The following OR2J3 variants were observed in gnomAD, a reference collection of about 807,000 sequenced individuals.
The protein encoded by OR2J3 is olfactory receptor family 2 subfamily J member 3.
Under a neutral mutation model 18.5 loss-of-function variants are expected in OR2J3, and 13 were observed. The ratio of observed to expected loss-of-function variants is 0.70; its 90% confidence interval spans 0.46 to 1.12. The LOEUF (loss-of-function observed/expected upper bound fraction) is 1.12, where lower values mean the gene tolerates loss of function less well. Ranked by LOEUF, OR2J3 falls within the 50% of genes most tolerant of loss-of-function variation. The pLI is 0.00. For missense variants in OR2J3, 321 were observed against 371.6 expected, an observed-to-expected ratio of 0.86 and a Z score of 1.12; for synonymous variants, 142 against 140.6, an observed-to-expected ratio of 1.01 and a Z score of -0.07.
At chr6:29,110,852 TATTTATCTATCTATCTATC>T (rs1562545097) in intron 3 of OR2J3, among the ~76,000 whole-genome samples, 35 of 117,380 alleles carry the variant, frequency 3.0e-4, no homozygotes, top group Non-Finnish European at 6.5e-4. Flanking sequence ...ACTATCTATC[TATTTATCTATCTATCTATC>T]TATCTATCTA....
At position 29,112,497 on chromosome 6, in the gene OR2J3, A is replaced by G; in HGVS notation, c.607A>G (p.Met203Val). The G allele has an allele frequency of 6.2e-7, 1 of 1,614,080 alleles. No individual in the cohort carries two copies. The highest frequency in any genetic ancestry group is 1.1e-5 in the South Asian group (1 of 91,078). ...TACCCATGTCAATGAGCTGACCCTCATGATCACAAGCTCCATATTTGTTCT... is the reference window on the plus strand; with the variant it reads ...TACCCATGTCAATGAGCTGACCCTCGTGATCACAAGCTCCATATTTGTTCT... ...VDTHVNELTL[M>V]ITSSIFVLIP... The change falls in exon 4 of 4, where the codon ATG (methionine) becomes GTG (valine). Residue 203 changes from methionine (M) to valine (V), a missense_variant. By Grantham distance (21) the Met-to-Val change is conservative (BLOSUM62 1). Transcript: ENST00000641151.
chr6:29,110,118 T>C (rs1339184058), intron 3 of OR2J3, among the ~76,000 whole-genome samples: 2 of 152,208 alleles, frequency 1.3e-5, no homozygotes, highest in Non-Finnish European at 2.9e-5. Flanking sequence ...AATTTTTATC[T>C]TCCTTTCCTT....
chr6:29,111,637 G>T, intron 3 of OR2J3: 1 of 418,592 alleles, frequency 2.4e-6, no homozygotes, highest in Non-Finnish European at 4.2e-6. Flanking sequence ...TGTTAATTAG[G>T]GATCTACTGT....
chr6:29,112,388 C>G lies in OR2J3; in HGVS notation c.498C>G (p.Thr166=). 1 of 1,614,114 alleles carries G rather than the reference C, an allele frequency of 6.2e-7. No individual in the cohort carries two copies. ...FTNSALHSSF[T]FWVPLCGHRQ... is the part of the protein sequence containing the mutation. ...ACTCAGCACTTCATTCCTCCTTCAC[C>G]TTCTGGGTACCTCTGTGTGGACACC... Residue 166 remains threonine (T), a synonymous_variant, in exon 4 of 4, where the codon ACC becomes ACG. Coordinates refer to ENST00000641151, the MANE Select transcript of OR2J3 (RefSeq NM_001005216.4).
At chr6:29,111,572 C>T in intron 3 of OR2J3, 2 of 269,860 alleles carry the variant, frequency 7.4e-6, no homozygotes, top group Non-Finnish European at 1.4e-5. Context: ...AATTTTTATC[C>T]ACTAGTTTTT....
chr6:29,112,590 A>G lies in OR2J3; in HGVS notation c.700A>G (p.Thr234Ala), dbSNP rs766006177. The change falls in exon 4 of 4, where the codon ACC (threonine) becomes GCC (alanine). Residue 234 changes from threonine to alanine, a missense_variant. Coordinates refer to ENST00000641151, the MANE Select transcript of OR2J3 (RefSeq NM_001005216.4). ...CCGAGCTATACTGAGGATGCAGTCAACCACTGGGCTTCAGAAAGTGTTTGG... is the reference window on the plus strand; with the variant it reads ...CCGAGCTATACTGAGGATGCAGTCAGCCACTGGGCTTCAGAAAGTGTTTGG... ...IVRAILRMQSTTGLQKVFGTC... is the reference protein window; with the variant it reads ...IVRAILRMQSATGLQKVFGTC... The G allele has an allele frequency of 1.3e-5, 21 of 1,613,958 alleles. No homozygotes were observed. The South Asian group carries it at 1.6e-4, about 13-fold the overall frequency.
intron 3 of OR2J3, among the ~76,000 whole-genome samples, chr6:29,111,131 GA>G (rs1762112084): frequency 6.6e-6 from 1 of 151,936 alleles, no homozygotes; most frequent in Non-Finnish European, 1.5e-5. Context: ...GCTAGTTTTT[GA>G]AAAAATCCAG....
intron 3 of OR2J3, among the ~76,000 whole-genome samples, chr6:29,110,004 T>G (rs1380907897): frequency 6.6e-6 from 1 of 152,192 alleles, no homozygotes; most frequent in African/African-American, 2.4e-5. Context: ...GTTCAGCTTC[T>G]TGAACGCTGT....
intron 1 of OR2J3, 66 bp downstream of exon 1, chr6:29,108,361 A>AAGAG (rs1032923218): frequency 2.6e-5 from 4 of 152,190 alleles, no homozygotes; most frequent in Non-Finnish European, 5.9e-5. Context: ...GGATGGGGAA[A>AAGAG]AGAGATTATT....
chr6:29,112,625 A>C lies in OR2J3; in HGVS notation c.735A>C (p.Gly245=). Residue 245 remains glycine (G), a synonymous_variant, in exon 4 of 4, where the codon GGA becomes GGC. Transcript: ENST00000641151. Reference sequence around the variant, plus strand: ...TTCAGAAAGTGTTTGGAACATGTGGAGCTCATCTTATGGCTGTATCTCTCT... The same window carrying C: ...TTCAGAAAGTGTTTGGAACATGTGGCGCTCATCTTATGGCTGTATCTCTCT... ...TGLQKVFGTC[G]AHLMAVSLFF... The C allele has an allele frequency of 6.2e-7, 1 of 1,614,060 alleles. No individual in the cohort carries two copies. Among genetic ancestry groups the C allele is most frequent in the Non-Finnish European group, 8.5e-7 (1 of 1,180,008 alleles).
rs1390344830 is a variant in OR2J3 at position 29,113,819 on chromosome 6, G to A, written c.*993G>A. On this transcript the variant is annotated 3_prime_UTR_variant, in exon 4 of 4. Coordinates refer to ENST00000641151, the MANE Select transcript of OR2J3 (RefSeq NM_001005216.4). ...TGTCAATATATGTGTTTCAAATAAA[G>A]AAATCTATTTTATAGAAGTAATCAT... The A allele has an allele frequency of 6.6e-6, 1 of 152,028 alleles. No homozygotes were observed. The highest frequency in any genetic ancestry group is 6.6e-5 in the Admixed American group (1 of 15,260). The allele number at this position is 152,028 out of a possible 1,614,324, so 9.4% of individuals were successfully genotyped here. A position where few individuals can be genotyped will look rare whatever the true frequency, so the allele number is the denominator to read the frequency against.
chr6:29,111,787 C>T lies in OR2J3; in HGVS notation c.-10-94C>T, dbSNP rs537980698. ...TACAATTAAATGATGGCAAGCCCTTCAAACTGGCTTTTATTTTTTATTCAT... is the reference window on the plus strand; with the variant it reads ...TACAATTAAATGATGGCAAGCCCTTTAAACTGGCTTTTATTTTTTATTCAT... On this transcript the variant is annotated intron_variant, in intron 3 of 3. Transcript: ENST00000641151. The T allele has an allele frequency of 5.1e-5, 61 of 1,197,272 alleles. No homozygotes were observed. The South Asian group carries it at 8.6e-4, about 17-fold the overall frequency. 74.2% of individuals were successfully genotyped at this position (1,197,272 alleles called of 1,614,324 possible).
chr6:29,114,195 A>T lies in OR2J3; in HGVS notation c.*1369A>T, dbSNP rs1356635276. The T allele has an allele frequency of 6.6e-6, 1 of 152,118 alleles. No homozygotes were observed. Among genetic ancestry groups the T allele is most frequent in the African/African-American group, 2.4e-5 (1 of 41,414 alleles). 9.4% of individuals were successfully genotyped at this position (152,118 alleles called of 1,614,324 possible). Reference sequence around the variant, plus strand: ...ATCTCTGACTCTTCCTTTATTTCTAACTAGGCATGAAAAATATGAGGCATG... The same window carrying T: ...ATCTCTGACTCTTCCTTTATTTCTATCTAGGCATGAAAAATATGAGGCATG... On this transcript the variant is annotated 3_prime_UTR_variant, in exon 4 of 4. Coordinates refer to ENST00000641151, the MANE Select transcript of OR2J3 (RefSeq NM_001005216.4).
In OR2J3 at chr6:29,113,036, T is replaced by G. The variant is rs1762209449; in HGVS notation, c.*210T>G. ...TTCACTTGTGGAGAAAACAGCTATGTAAAATCAAGATAAAACATCTATAGT... is the reference window on the plus strand; with the variant it reads ...TTCACTTGTGGAGAAAACAGCTATGGAAAATCAAGATAAAACATCTATAGT... On this transcript the variant is annotated 3_prime_UTR_variant, in exon 4 of 4. Coordinates refer to ENST00000641151, the MANE Select transcript of OR2J3 (RefSeq NM_001005216.4). 3 of 571,318 alleles carry G rather than the reference T, an allele frequency of 5.3e-6. No individual in the cohort carries two copies. Among genetic ancestry groups the G allele is most frequent in the Non-Finnish European group, 9.0e-6 (3 of 331,680 alleles). The allele number at this position is 571,318 out of a possible 1,614,324, so 35.4% of individuals were successfully genotyped here.
rs762636869 is a variant in OR2J3, at chr6:29,113,537, T to G, written c.*711T>G. The G allele has an allele frequency of 6.6e-6, 1 of 152,118 alleles. No individual in the cohort carries two copies. The highest frequency in any genetic ancestry group is 1.5e-5 in the Non-Finnish European group (1 of 68,020). The allele number at this position is 152,118 out of a possible 1,614,324, so 9.4% of individuals were successfully genotyped here. On this transcript the variant is annotated 3_prime_UTR_variant, in exon 4 of 4. Transcript: ENST00000641151. Reference sequence around the variant, plus strand: ...CTGAGCTATGGAGCTTATAAACAAATGGTCATCATAGGCTAGGTATACTTA... The same window carrying G: ...CTGAGCTATGGAGCTTATAAACAAAGGGTCATCATAGGCTAGGTATACTTA...
rs927116683 is a variant in OR2J3, at chr6:29,114,447, C to G, written c.*1621C>G. On this transcript the variant is annotated 3_prime_UTR_variant, in exon 4 of 4. Transcript: ENST00000641151. ...GGTTTCTCACCTACTCAAATATCCC[C>G]CCCCTCCCCATCTTTATTAAGGATA... 5.5e-5 allele frequency: 3 copies of G among 55,018 alleles called. No homozygotes were observed. Among genetic ancestry groups the G allele is most frequent in the East Asian group, 3.1e-4 (1 of 3,194 alleles). 3.4% of individuals were successfully genotyped at this position (55,018 alleles called of 1,614,324 possible).
In OR2J3 at chr6:29,113,074, T is replaced by A. The variant is rs1328493167; in HGVS notation, c.*248T>A. 1 of 502,230 alleles carries A rather than the reference T, an allele frequency of 2.0e-6. No individual in the cohort carries two copies. The highest frequency in any genetic ancestry group is 3.5e-6 in the Non-Finnish European group (1 of 287,294). The allele number at this position is 502,230 out of a possible 1,614,324, so 31.1% of individuals were successfully genotyped here. On this transcript the variant is annotated 3_prime_UTR_variant, in exon 4 of 4. Transcript: ENST00000641151. ...AAACATCTATAGTGATGTTTTTCCATGGTACAAACCTAATGTATCCAAGAC... is the reference window on the plus strand; with the variant it reads ...AAACATCTATAGTGATGTTTTTCCAAGGTACAAACCTAATGTATCCAAGAC...
chr6:29,112,076 G>A lies in OR2J3; in HGVS notation c.186G>A (p.Met62Ile), dbSNP rs1034931465. Residue 62 changes from methionine (M) to isoleucine (I), a missense_variant, in exon 4 of 4, where the codon ATG becomes ATA. Transcript: ENST00000641151. ...TGGACTCCCATCTGCACACACCAATGTACTTCTTCCTTTCAAACCTCTCAT... is the reference window on the plus strand; with the variant it reads ...TGGACTCCCATCTGCACACACCAATATACTTCTTCCTTTCAAACCTCTCAT... ...SYLDSHLHTP[M>I]YFFLSNLSFL... 5 of 1,614,078 alleles carry A rather than the reference G, an allele frequency of 3.1e-6. No homozygotes were observed. Among genetic ancestry groups the A allele is most frequent in the South Asian group, 1.1e-5 (1 of 91,068 alleles).
chr6:29,109,991 G>A (rs564991551), intron 3 of OR2J3, among the ~76,000 whole-genome samples: 1 of 152,248 alleles, frequency 6.6e-6, no homozygotes, highest in East Asian at 1.9e-4. Flanking sequence ...TTCAGGCCCT[G>A]TGGTTCAGCT....
Sources: allele counts gnomAD v4.1 joint callset (sites outside exome capture counted in the v4.1 genomes callset), GRCh38; gene constraint gnomAD v4.1.1; transcripts MANE v1.5; gene names NCBI Gene and HGNC (gene_info 2026-07-23, HGNC 2026-07-21).